DMD: variants seen among roughly 807,000 people sequenced by gnomAD.
DMD encodes the protein mutant dystrophin.
Under a neutral mutation model 330.1 loss-of-function variants are expected in DMD, and 63 were observed. That is an observed-to-expected ratio of 0.19 (90% CI 0.16 to 0.24). The LOEUF (loss-of-function observed/expected upper bound fraction) is 0.24. Ranked by LOEUF, DMD falls within the 10% of genes least tolerant of loss-of-function variation. DMD has a pLI of 1.00. For missense variants in DMD, 3,344 were observed against 2,684.1 expected (o/e 1.25, Z -5.43); for synonymous variants, 1,223 against 959.8 (o/e 1.27, Z -5.07).
chrX:31,844,913 T>C, intron 48 of DMD, among the ~76,000 whole-genome samples: 1 of 110,807 alleles, frequency 9.0e-6, no homozygotes, highest in Non-Finnish European at 1.9e-5. Flanking sequence ...TACAGTGTAG[T>C]GTACACCTGA....
intron 61 of DMD, among the ~76,000 whole-genome samples, chrX:31,333,242 G>T (rs1218388985): frequency 9.0e-6 from 1 of 110,637 alleles, no homozygotes; most frequent in Non-Finnish European, 1.9e-5. Context: ...AAACATTCTT[G>T]TTTAATTTCA....
chrX:32,661,568 A>G (rs886616472), intron 9 of DMD, among the ~76,000 whole-genome samples: 3 of 111,635 alleles, frequency 2.7e-5, no homozygotes, highest in African/African-American at 9.7e-5. Flanking sequence ...CTAGATTTAT[A>G]AAATTTAATT....
rs765641795 is a variant in DMD at position 32,807,123 on chromosome X, A to T, written c.649+2370T>A. On this transcript the variant is annotated intron_variant, in intron 7 of 78. Coordinates refer to ENST00000357033, the MANE Select transcript of DMD (RefSeq NM_004006.3). ...AGAACTGAAGGAGACGGAAACATTT[A>T]AAAAAAAAAAAAAAAAAAAAAAAAA... Among the ~76,000 whole-genome samples, 404 of 51,041 alleles carry T rather than the reference A, an allele frequency of 7.9e-3. 4 individuals carry two copies. The highest frequency in any genetic ancestry group is 0.042 in the African/African-American group (348 of 8,293). 44.3% of individuals were successfully genotyped at this position (51,041 alleles called of 115,157 possible).
chrX:32,317,290 A>C (rs1334338280), intron 41 of DMD, among the ~76,000 whole-genome samples: 1 of 111,607 alleles, frequency 9.0e-6, no homozygotes, highest in Non-Finnish European at 1.9e-5. Context: ...GAAACCATAA[A>C]ATGCCTATTT....
At chrX:31,229,017 A>G (rs1023658055) in intron 63 of DMD, among the ~76,000 whole-genome samples, 1 of 112,230 alleles carries the variant, frequency 8.9e-6, no homozygotes, top group African/African-American at 3.2e-5. Flanking sequence ...TTGAAACATG[A>G]AACAAGTAAT....
At chrX:32,934,596 T>C (rs1266309465) in intron 2 of DMD, among the ~76,000 whole-genome samples, 2 of 111,896 alleles carry the variant, frequency 1.8e-5, no homozygotes, top group Non-Finnish European at 3.8e-5. Flanking sequence ...CCCCAATTTT[T>C]ATGATTTCCC....
chrX:32,562,815 T>C (rs7057273), intron 16 of DMD, among the ~76,000 whole-genome samples: 34,933 of 110,619 alleles, frequency 0.32, 4,819 homozygotes, highest in Non-Finnish European at 0.45. Flanking sequence ...TTAATTTCTC[T>C]TTTCCTGAGT....
chrX:32,639,385 A>T (rs1023079329), intron 11 of DMD, among the ~76,000 whole-genome samples: 2 of 111,706 alleles, frequency 1.8e-5, no homozygotes, highest in Non-Finnish European at 3.8e-5. Context: ...ATTAAAAAAA[A>T]AATCATTGGC....
chrX:33,199,253 G>A (rs1049574689), intron 1 of DMD, among the ~76,000 whole-genome samples: 1 of 111,288 alleles, frequency 9.0e-6, no homozygotes, highest in Non-Finnish European at 1.9e-5. Context: ...TATTCCTAGT[G>A]AGAGAAAATA....
At chrX:33,206,663 G>A (rs764769012) in intron 1 of DMD, among the ~76,000 whole-genome samples, 7 of 111,430 alleles carry the variant, frequency 6.3e-5, no homozygotes, top group Non-Finnish European at 1.3e-4. Flanking sequence ...TGTGTGTTCC[G>A]TTGCCTACTG....
chrX:32,273,007 C>T (rs1005736373), intron 43 of DMD, among the ~76,000 whole-genome samples: 1 of 111,397 alleles, frequency 9.0e-6, no homozygotes, highest in Non-Finnish European at 1.9e-5. Context: ...CTATGACAAC[C>T]AAATTCTCCA....
chrX:32,612,044 C>G (rs1417016138), intron 12 of DMD, among the ~76,000 whole-genome samples: 1 of 83,344 alleles, frequency 1.2e-5, no homozygotes, highest in African/African-American at 6.6e-5. Flanking sequence ...ACATCCTGAA[C>G]AAAAGATTTG....
chrX:31,492,882 G>T (rs766915748), intron 57 of DMD, among the ~76,000 whole-genome samples: 27 of 109,027 alleles, frequency 2.5e-4, no homozygotes, highest in Admixed American at 2.4e-3. Context: ...TCAGGGGGTG[G>T]GGGGCTAGGG....
chrX:32,802,003 G>C (rs2076606809), intron 7 of DMD, among the ~76,000 whole-genome samples: 1 of 111,815 alleles, frequency 8.9e-6, no homozygotes, highest in South Asian at 3.7e-4. Flanking sequence ...CTCTTTTTTA[G>C]TTCCACATGA....
intron 11 of DMD, among the ~76,000 whole-genome samples, chrX:32,624,393 G>T (rs750356926): frequency 3.6e-5 from 4 of 112,067 alleles, no homozygotes; most frequent in African/African-American, 1.3e-4. Context: ...CAGATCATCT[G>T]AGAATAGAGA....
At chrX:31,670,465 A>G (rs1031877487) in intron 53 of DMD, among the ~76,000 whole-genome samples, 1 of 111,725 alleles carries the variant, frequency 9.0e-6, no homozygotes, top group South Asian at 3.8e-4. Flanking sequence ...CCTCTTCTGT[A>G]TTCGTTTCCT....
intron 34 of DMD, among the ~76,000 whole-genome samples, chrX:32,376,697 G>A (rs1416987264): frequency 2.7e-5 from 3 of 109,760 alleles, no homozygotes; most frequent in Admixed American, 9.8e-5. Flanking sequence ...GAGGTGAAAT[G>A]AGTATAGAGA....
intron 44 of DMD, among the ~76,000 whole-genome samples, chrX:32,103,284 T>C (rs375848701): frequency 2.7e-5 from 3 of 112,182 alleles, no homozygotes; most frequent in East Asian, 5.6e-4. Flanking sequence ...AAGTGCTTCA[T>C]TGCTGCCCCA....
At chrX:32,714,722 T>C (rs1226471463) in intron 7 of DMD, among the ~76,000 whole-genome samples, 1 of 112,056 alleles carries the variant, frequency 8.9e-6, no homozygotes, top group South Asian at 3.7e-4. Flanking sequence ...TATGTACTTA[T>C]ATACAACTTT....
Sources: gnomAD v4.1 joint callset for allele counts (sites outside exome capture counted in the v4.1 genomes callset) on GRCh38, gnomAD v4.1.1 for gene constraint, MANE v1.5 for transcripts, NCBI Gene and HGNC (gene_info 2026-07-23, HGNC 2026-07-21) for gene names.